COL26A1: variants seen among roughly 807,000 people sequenced by gnomAD.
COL26A1 encodes collagen type XXVI alpha 1 chain.
COL26A1 carries 41 observed loss-of-function variants against 59.3 expected under a neutral mutation model. That is an observed-to-expected ratio of 0.69 (90% confidence interval 0.54 to 0.90). COL26A1 has a LOEUF of 0.90. COL26A1 is among the 40% of genes least tolerant of loss of function. The probability of loss-of-function intolerance (pLI) is 0.00; values close to 1 mark genes in which losing one functional copy is unlikely to be tolerated. For synonymous variants in COL26A1, 266 were observed against 256.0 expected (o/e 1.04, Z -0.37); for missense variants, 612 against 602.3 (o/e 1.02, Z -0.17).
chr7:101,557,084 G>A (rs1455218250), intron 12 of COL26A1, among the ~76,000 whole-genome samples: 2 of 152,046 alleles, frequency 1.3e-5, no homozygotes, highest in African/African-American at 4.8e-5. Context: ...TAGATGCATA[G>A]ATAAATGAGT....
chr7:101,442,899 G>C (rs1253214890), intron 2 of COL26A1, among the ~76,000 whole-genome samples: 1 of 152,122 alleles, frequency 6.6e-6, no homozygotes, highest in Non-Finnish European at 1.5e-5. Flanking sequence ...GCAAGCACGA[G>C]TGTGCACACG....
intron 3 of COL26A1, among the ~76,000 whole-genome samples, chr7:101,469,552 C>T (rs1267897622): frequency 1.3e-5 from 2 of 151,496 alleles, no homozygotes; most frequent in East Asian, 1.9e-4. Flanking sequence ...TGCAGTGGCA[C>T]GATCTTAGCT....
chr7:101,465,039 T>C (rs1300154766), intron 3 of COL26A1, among the ~76,000 whole-genome samples: 10 of 148,904 alleles, frequency 6.7e-5, no homozygotes, highest in Non-Finnish European at 1.3e-4. Flanking sequence ...TCTTTCTTTT[T>C]TTTTTTTTTT....
chr7:101,401,775 G>C (rs1234411917), intron 1 of COL26A1, among the ~76,000 whole-genome samples: 1 of 151,436 alleles, frequency 6.6e-6, no homozygotes, highest in Non-Finnish European at 1.5e-5. Flanking sequence ...GGGAGAAGAG[G>C]AGGAGGAGGA....
At position 101,374,920 on chromosome 7, in the gene COL26A1, G is replaced by C. The variant is rs577911205; in HGVS notation, c.158+11730G>C. On this transcript the variant is annotated intron_variant, in intron 1 of 12. Coordinates refer to ENST00000313669, the MANE Select transcript of COL26A1 (RefSeq NM_001278563.3). ...AATAAAAATACAAAGAATTAGCCAGGTGTGTTGGCGGGCACCTGTAATTCC... is the reference window on the plus strand; with the variant it reads ...AATAAAAATACAAAGAATTAGCCAGCTGTGTTGGCGGGCACCTGTAATTCC... 3.9e-3 allele frequency among the ~76,000 whole-genome samples: 589 copies of C among 152,140 alleles called. 2 individuals carry two copies. Among genetic ancestry groups the C allele is most frequent in the African/African-American group, 0.013 (558 of 41,494 alleles).
chr7:101,387,755 TATA>T (rs1791618771), intron 1 of COL26A1, among the ~76,000 whole-genome samples: 1 of 53,242 alleles, frequency 1.9e-5, no homozygotes, highest in Non-Finnish European at 4.3e-5. Context: ...TATATATATT[TATA>T]TATATATATA....
chr7:101,510,394 G>T (rs575630604), intron 3 of COL26A1, among the ~76,000 whole-genome samples: 3 of 152,046 alleles, frequency 2.0e-5, no homozygotes, highest in Admixed American at 6.6e-5. Context: ...CAGTAATTCC[G>T]TTCACTGTGA....
chr7:101,526,570 C>T (rs1010930071), intron 3 of COL26A1, among the ~76,000 whole-genome samples: 1 of 152,214 alleles, frequency 6.6e-6, no homozygotes, highest in Non-Finnish European at 1.5e-5. Flanking sequence ...CCTGCAATAA[C>T]CAACTCCTGC....
intron 3 of COL26A1, 72 bp from the exon 4 acceptor site, chr7:101,533,010 A>C: frequency 8.6e-7 from 1 of 1,168,502 alleles, no homozygotes; most frequent in Non-Finnish European, 1.2e-6. Context: ...CCCAGAGGCT[A>C]TCCTGGTGAC....
At chr7:101,517,438 G>A (rs1232907627) in intron 3 of COL26A1, among the ~76,000 whole-genome samples, 2 of 152,164 alleles carry the variant, frequency 1.3e-5, no homozygotes, top group Non-Finnish European at 2.9e-5. Flanking sequence ...CAATCACTGC[G>A]AGGTGACTTG....
intron 3 of COL26A1, among the ~76,000 whole-genome samples, chr7:101,501,185 C>CAAAAAAA (rs58672929): frequency 6.7e-5 from 5 of 74,434 alleles, no homozygotes; most frequent in African/African-American, 9.9e-5. Flanking sequence ...GACTCCGTCT[C>CAAAAAAA]AAAAAAAAAA....
intron 1 of COL26A1, among the ~76,000 whole-genome samples, chr7:101,412,800 C>T (rs1792273747): frequency 6.6e-6 from 1 of 152,162 alleles, no homozygotes; most frequent in Non-Finnish European, 1.5e-5. Context: ...AAAGTTGCAA[C>T]ACCACTGGCT....
chr7:101,537,986 G>A (rs1290891670), intron 4 of COL26A1, among the ~76,000 whole-genome samples: 3 of 151,364 alleles, frequency 2.0e-5, no homozygotes, highest in Admixed American at 6.6e-5. Flanking sequence ...GCCCTTGTTC[G>A]ACTGGGGGCA....
chr7:101,476,142 TTGTGTGTGTGTG>T (rs56666965), intron 3 of COL26A1, among the ~76,000 whole-genome samples: 17 of 146,230 alleles, frequency 1.2e-4, no homozygotes, highest in Non-Finnish European at 2.0e-4. Context: ...TCCCAGCTAA[TTGTGTGTGTGTG>T]TGTGTGTGTG....
At chr7:101,527,686 C>T (rs990729484) in intron 3 of COL26A1, among the ~76,000 whole-genome samples, 3 of 152,138 alleles carry the variant, frequency 2.0e-5, no homozygotes, top group African/African-American at 4.8e-5. Context: ...GACTAGTTTG[C>T]CTGGTACGTT....
At chr7:101,363,713 T>C (rs868486254) in intron 1 of COL26A1, among the ~76,000 whole-genome samples, 1 of 151,566 alleles carries the variant, frequency 6.6e-6, no homozygotes, top group Non-Finnish European at 1.5e-5. Context: ...TTTCTTCGCT[T>C]CCCCAACCTT....
At chr7:101,428,019 G>A (rs1055968513) in intron 2 of COL26A1, among the ~76,000 whole-genome samples, 3 of 151,984 alleles carry the variant, frequency 2.0e-5, no homozygotes, top group African/African-American at 4.8e-5. Context: ...TGATTTCTAC[G>A]GCGTGAGTAT....
intron 3 of COL26A1, among the ~76,000 whole-genome samples, chr7:101,512,577 G>A (rs576579587): frequency 3.3e-5 from 5 of 151,930 alleles, no homozygotes; most frequent in South Asian, 4.2e-4. Context: ...AGCTATGATC[G>A]TGCCACTGCA....
At chr7:101,487,093 G>T (rs560444030) in intron 3 of COL26A1, among the ~76,000 whole-genome samples, 1 of 152,326 alleles carries the variant, frequency 6.6e-6, no homozygotes, top group African/African-American at 2.4e-5. Flanking sequence ...GAAGATGCAG[G>T]GCGGGGAGGA....
Sources: gnomAD v4.1 joint callset for allele counts (sites outside exome capture counted in the v4.1 genomes callset) on GRCh38, gnomAD v4.1.1 for gene constraint, MANE v1.5 for transcripts, NCBI Gene and HGNC (gene_info 2026-07-23, HGNC 2026-07-21) for gene names.